Variants in ANKS3 observed in about 807,000 individuals in gnomAD.
The protein encoded by ANKS3 is ankyrin repeat and sterile alpha motif domain containing 3.
A neutral mutation model predicts 80.7 loss-of-function variants in ANKS3; 62 were observed. The observed-to-expected ratio is 0.77, with a 90% confidence interval of 0.63 to 0.95. ANKS3 has a LOEUF of 0.95. ANKS3 is among the 40% of genes least tolerant of loss of function. The probability of loss-of-function intolerance (pLI) is 0.00; values close to 1 mark genes in which losing one functional copy is unlikely to be tolerated. For missense variants in ANKS3, 1,150 were observed against 883.6 expected, an observed-to-expected ratio of 1.30 and a Z score of -3.82; for synonymous variants, 489 against 355.3, an observed-to-expected ratio of 1.38 and a Z score of -4.23.
At chr16:4,718,302 G>C (rs945383117) in intron 6 of ANKS3, among the ~76,000 whole-genome samples, 5 of 152,096 alleles carry the variant, frequency 3.3e-5, no homozygotes, top group African/African-American at 7.2e-5. Context: ...AGAGACACAT[G>C]ATCAAAACTC....
At chr16:4,705,277 G>C (rs375228375) in intron 7 of ANKS3, 24 bp from the exon 8 acceptor site, 4 of 1,612,476 alleles carry the variant, frequency 2.5e-6, no homozygotes, top group South Asian at 1.1e-5. Context: ...CCAAGATTAA[G>C]ATAGTGTGTT....
Position 4,698,428 on chromosome 16 carries a change from G to A in ANKS3, c.1723C>T (p.Arg575Ter), listed in dbSNP as rs766686749. ...RDAALVLDQL[R>*]ACQAELSSRV... ...CCAGGGCAGCTCAGAGCCACTCACC[G>A]CAGCTGGTCCAGGACGAGGGCAGCA... Residue 575 changes from arginine to a stop codon, truncating the protein, a stop_gained and splice_region_variant, in exon 14 of 18, where the codon CGA (arginine) becomes TGA (stop). Transcript: ENST00000304283. LOFTEE classifies it high-confidence loss of function. The A allele has an allele frequency of 4.6e-6, 7 of 1,515,752 alleles. No individual in the cohort carries two copies. Among genetic ancestry groups the A allele is most frequent in the Admixed American group, 2.0e-5 (1 of 48,944 alleles). The allele number at this position is 1,515,752 out of a possible 1,614,324, so 93.9% of individuals were successfully genotyped here.
chr16:4,707,838 C>T (rs904755272), intron 7 of ANKS3, among the ~76,000 whole-genome samples: 1 of 151,932 alleles, frequency 6.6e-6, no homozygotes. Flanking sequence ...GGGCCGGGCG[C>T]GGTGGCTCAC....
At chr16:4,703,569 T>C (rs1329130183) in intron 8 of ANKS3, among the ~76,000 whole-genome samples, 1 of 151,984 alleles carries the variant, frequency 6.6e-6, no homozygotes, top group Non-Finnish European at 1.5e-5. Flanking sequence ...TATAGGCACG[T>C]ACTACCATGC....
At chr16:4,701,711 C>T (rs548334942) in intron 9 of ANKS3, 168 bp from the exon 10 acceptor site, 23 of 566,600 alleles carry the variant, frequency 4.1e-5, no homozygotes, top group East Asian at 6.0e-5. Context: ...TCTATACAGA[C>T]GGGCAGGGCT....
intron 8 of ANKS3, among the ~76,000 whole-genome samples, chr16:4,704,302 C>G (rs1176356654): frequency 1.3e-5 from 2 of 152,198 alleles, no homozygotes; most frequent in Non-Finnish European, 2.9e-5. Flanking sequence ...ACACTGTCTA[C>G]TCTCACTCTT....
intron 8 of ANKS3, among the ~76,000 whole-genome samples, chr16:4,703,421 A>ATTTT (rs3051126): frequency 7.6e-6 from 1 of 131,622 alleles, no homozygotes; most frequent in Non-Finnish European, 1.6e-5. Context: ...GGCCCCCCCA[A>ATTTT]TTTTTTTTTT....
chr16:4,710,884 C>T (rs1039327494), intron 7 of ANKS3, among the ~76,000 whole-genome samples: 1 of 152,080 alleles, frequency 6.6e-6, no homozygotes, highest in Non-Finnish European at 1.5e-5. Context: ...CTGCAATCTC[C>T]CCCTCCCGGG....
intron 6 of ANKS3, among the ~76,000 whole-genome samples, chr16:4,715,259 G>T (rs369821895): frequency 7.2e-5 from 11 of 152,024 alleles, no homozygotes; most frequent in African/African-American, 2.7e-4. Flanking sequence ...GGGCAACACA[G>T]CATGAACCCA....
Position 4,698,564 on chromosome 16 carries a change from C to G in ANKS3, c.1587G>C (p.Val529=). Residue 529 remains valine (V), a synonymous_variant, in exon 14 of 18, where the codon GTG becomes GTC. Coordinates refer to ENST00000304283, the MANE Select transcript of ANKS3 (RefSeq NM_133450.4). Reference sequence around the variant, plus strand: ...CGGCGCGCAGCTCCTGCTCCTGACACACCTGGCCCCGCGTGGCCTCTACCT... The same window carrying G: ...CGGCGCGCAGCTCCTGCTCCTGACAGACCTGGCCCCGCGTGGCCTCTACCT... ...CEEVEATRGQ[V]CQEQELRAVV... 6.3e-7 allele frequency: 1 copy of G among 1,580,772 alleles called. No individual in the cohort carries two copies.
At chr16:4,716,054 A>G (rs76859694) in intron 6 of ANKS3, among the ~76,000 whole-genome samples, 2,890 of 152,032 alleles carry the variant, frequency 0.019, 45 homozygotes, top group Non-Finnish European at 0.03. Context: ...TGCACAAAAC[A>G]TCATTAAGAG....
Position 4,714,059 on chromosome 16 carries a change from C to T in ANKS3, c.701G>A (p.Arg234Gln), listed in dbSNP as rs372034547. 11 of 1,613,936 alleles carry T rather than the reference C, an allele frequency of 6.8e-6. No individual in the cohort carries two copies. The highest frequency in any genetic ancestry group is 9.3e-6 in the Non-Finnish European group (11 of 1,179,978). ...CTGGCAGGTGTGGGTACCTGGGCTC[C>T]GATAGAGGCTCTTGGGCAGAGAGGG... Reference protein sequence around the residue: ...YSPSLPKSLYRSPEKYEDLSS... With the variant: ...YSPSLPKSLYQSPEKYEDLSS... Residue 234 changes from arginine to glutamine, a missense_variant, in exon 7 of 18, where the codon CGG (arginine) becomes CAG (glutamine). By Grantham distance (43) the Arg-to-Gln change is conservative. Transcript: ENST00000304283.
In ANKS3 at chr16:4,696,907, A is replaced by G; in HGVS notation, c.*12-11T>C. On this transcript the variant is annotated splice_polypyrimidine_tract_variant and intron_variant, in intron 17 of 17. Coordinates refer to ENST00000304283, the MANE Select transcript of ANKS3 (RefSeq NM_133450.4). The stretch of plus-strand genomic sequence containing the variant: ...ACCCAACGTCAGATTCTGAAAGAAA[A>G]AGCCCCGGTGAGAAGGGAGGGGGAC... 1 of 1,010,174 alleles carries G rather than the reference A, an allele frequency of 9.9e-7. No individual in the cohort carries two copies. Among genetic ancestry groups the G allele is most frequent in the Non-Finnish European group, 1.5e-6 (1 of 669,512 alleles). 62.6% of individuals were successfully genotyped at this position (1,010,174 alleles called of 1,614,324 possible). A position where few individuals can be genotyped will look rare whatever the true frequency, so the allele number is the denominator to read the frequency against.
chr16:4,716,922 T>A (rs1001680278), intron 6 of ANKS3, among the ~76,000 whole-genome samples: 6 of 148,622 alleles, frequency 4.0e-5, no homozygotes, highest in Non-Finnish European at 8.9e-5. Flanking sequence ...CTCAAAAAAA[T>A]AATAATAAAT....
At chr16:4,711,599 T>TC (rs1299116052) in intron 7 of ANKS3, among the ~76,000 whole-genome samples, 3 of 150,350 alleles carry the variant, frequency 2.0e-5, no homozygotes, top group African/African-American at 7.4e-5. Flanking sequence ...ATGCCTGTAA[T>TC]CCCATCTACT....
Position 4,726,984 on chromosome 16 carries a change from G to A in ANKS3, c.364C>T (p.Leu122Phe), listed in dbSNP as rs1445999791. The part of the protein sequence containing the change: ...CGNESIAYFL[L>F]QQGAELEMKD... ...TGAGTTCCCTCGTAGCTCACCTGGA[G>A]AAGAAAGTAGGCGATGCTCTCGTTG... Residue 122 changes from leucine to phenylalanine, a missense_variant, in exon 4 of 18, where the codon CTC becomes TTC. Coordinates refer to ENST00000304283, the MANE Select transcript of ANKS3 (RefSeq NM_133450.4). 2 of 1,613,966 alleles carry A rather than the reference G, an allele frequency of 1.2e-6. No homozygotes were observed. Among genetic ancestry groups the A allele is most frequent in the African/African-American group, 2.7e-5 (2 of 74,950 alleles).
chr16:4,701,346 A>T (rs542978994), intron 10 of ANKS3, 88 bp downstream of exon 10: 1 of 1,378,892 alleles, frequency 7.3e-7, no homozygotes, highest in East Asian at 2.5e-5. Flanking sequence ...TGCTTCTTAC[A>T]TACATGCTCA....
chr16:4,713,489 C>G (rs559105721), intron 7 of ANKS3, among the ~76,000 whole-genome samples: 10 of 152,184 alleles, frequency 6.6e-5, no homozygotes, highest in African/African-American at 2.4e-4. Context: ...ACCCCATTTA[C>G]AATAGCGACA....
At chr16:4,724,908 C>G in intron 5 of ANKS3, 77 bp from the exon 6 acceptor site, 1 of 1,341,562 alleles carries the variant, frequency 7.5e-7, no homozygotes, top group East Asian at 2.4e-5. Flanking sequence ...TGAAGATAAA[C>G]CCTGAGCAGT....
Sources: gnomAD v4.1 joint callset for allele counts (sites outside exome capture counted in the v4.1 genomes callset) on GRCh38, gnomAD v4.1.1 for gene constraint, MANE v1.5 for transcripts, NCBI Gene and HGNC (gene_info 2026-07-23, HGNC 2026-07-21) for gene names.